The following LRFN5 variants were observed in gnomAD, a reference collection of about 807,000 sequenced individuals.
The protein encoded by LRFN5 is leucine-rich repeat and fibronectin type-III domain-containing protein 5.
A neutral mutation model predicts 45.6 loss-of-function variants in LRFN5; 24 were observed. The ratio of observed to expected loss-of-function variants is 0.53; its 90% CI spans 0.38 to 0.74. The LOEUF (loss-of-function observed/expected upper bound fraction) is 0.74. Among genes scored for constraint, LRFN5 ranks in the 30% least tolerant of loss-of-function variants. The pLI, the probability that LRFN5 is intolerant of heterozygous loss-of-function variation, is 0.00. For synonymous variants in LRFN5, 340 were observed against 313.8 expected (o/e 1.08, Z -0.88); for missense variants, 776 against 861.5 (o/e 0.90, Z 1.24).
chr14:41,762,472 G>T (rs750850990), intron 1 of LRFN5, among the ~76,000 whole-genome samples: 3 of 152,040 alleles, frequency 2.0e-5, no homozygotes, highest in Non-Finnish European at 2.9e-5. Flanking sequence ...AATAACAAAT[G>T]CATTTTCATA....
chr14:41,875,284 A>AT (rs1160549089), intron 2 of LRFN5, among the ~76,000 whole-genome samples: 3 of 152,248 alleles, frequency 2.0e-5, no homozygotes, highest in African/African-American at 7.2e-5. Context: ...TTAGGGAACC[A>AT]TTGCCACCTG....
chr14:41,752,450 T>C (rs1036099930), intron 1 of LRFN5, among the ~76,000 whole-genome samples: 4 of 152,152 alleles, frequency 2.6e-5, no homozygotes, highest in Admixed American at 2.0e-4. Context: ...TTTTAATGAT[T>C]GCCATTCTAA....
At chr14:41,741,127 A>T (rs999384943) in intron 1 of LRFN5, among the ~76,000 whole-genome samples, 2 of 151,694 alleles carry the variant, frequency 1.3e-5, no homozygotes, top group Admixed American at 1.3e-4. Context: ...TTACTATTTT[A>T]AAAACATACA....
chr14:41,753,608 A>C (rs1345537354), intron 1 of LRFN5, among the ~76,000 whole-genome samples: 1 of 152,132 alleles, frequency 6.6e-6, no homozygotes, highest in South Asian at 2.1e-4. Context: ...ATTTTTGCAC[A>C]TTGATTTTGT....
chr14:41,730,161 A>G (rs551021730), intron 1 of LRFN5, among the ~76,000 whole-genome samples: 43 of 152,240 alleles, frequency 2.8e-4, no homozygotes, highest in African/African-American at 9.9e-4. Context: ...TTATCTCATT[A>G]CAGATGCAAA....
intron 2 of LRFN5, among the ~76,000 whole-genome samples, chr14:41,781,652 A>G (rs1594703672): frequency 2.0e-5 from 3 of 146,642 alleles, no homozygotes; most frequent in African/African-American, 5.3e-5. Context: ...AGAAAGAGAA[A>G]GAAAGAAAGA....
At chr14:41,685,774 T>C (rs1348299183) in intron 1 of LRFN5, among the ~76,000 whole-genome samples, 1 of 152,150 alleles carries the variant, frequency 6.6e-6, no homozygotes, top group Non-Finnish European at 1.5e-5. Flanking sequence ...CAGATGGTTG[T>C]AGATGTGTGG....
intron 2 of LRFN5, among the ~76,000 whole-genome samples, chr14:41,869,245 A>G (rs1283084135): frequency 2.0e-5 from 3 of 152,116 alleles, no homozygotes; most frequent in Admixed American, 2.0e-4. Context: ...CTGAAAGGAA[A>G]ACACTTTTTG....
intron 5 of LRFN5, 115 bp downstream of exon 5, chr14:41,899,075 T>A: frequency 2.6e-6 from 2 of 778,088 alleles, no homozygotes; most frequent in Non-Finnish European, 4.0e-6. Context: ...AATTTTCTTT[T>A]AAAATTTACT....
chr14:41,666,258 T>C (rs1411113009), intron 1 of LRFN5, among the ~76,000 whole-genome samples: 3 of 152,180 alleles, frequency 2.0e-5, no homozygotes, highest in African/African-American at 7.2e-5. Flanking sequence ...TGAAGAGCAC[T>C]TGTGGTTACA....
chr14:41,608,345 C>G lies in LRFN5; in HGVS notation c.-414C>G, dbSNP rs1313065057. 6.5e-6 allele frequency: 1 copy of G among 152,918 alleles called. No individual in the cohort carries two copies. Among genetic ancestry groups the G allele is most frequent in the African/African-American group, 2.4e-5 (1 of 41,468 alleles). 9.5% of individuals were successfully genotyped at this position (152,918 alleles called of 1,614,324 possible). On this transcript the variant is annotated 5_prime_UTR_variant, in exon 1 of 6. Transcript: ENST00000298119. Reference sequence around the variant, plus strand: ...CGCGGGTTTCATGGGGCGATTGCAGCGATTCCCCCACCCAGAGCGACCTGC... The same window carrying G: ...CGCGGGTTTCATGGGGCGATTGCAGGGATTCCCCCACCCAGAGCGACCTGC...
chr14:41,745,519 T>A (rs1040152033), intron 1 of LRFN5, among the ~76,000 whole-genome samples: 1 of 151,740 alleles, frequency 6.6e-6, no homozygotes, highest in South Asian at 2.1e-4. Context: ...CAGAGGGAAA[T>A]AAATAGTAAA....
rs569216156 is a variant in LRFN5, at chr14:41,759,448, TACACAC to T, written c.-196-7360_-196-7355del. On this transcript the variant is annotated intron_variant, in intron 1 of 5. Coordinates refer to ENST00000298119, the MANE Select transcript of LRFN5 (RefSeq NM_152447.5). The stretch of plus-strand genomic sequence containing the variant: ...CATTATAAAGTATATTCTCTCTCTC[TACACAC>T]ACACACACACACACACACACACACA... Among the ~76,000 whole-genome samples the T allele has an allele frequency of 6.7e-3, 738 of 109,682 alleles. 5 individuals carry two copies. Among genetic ancestry groups the T allele is most frequent in the South Asian group, 0.039 (115 of 2,970 alleles). The allele number at this position is 109,682 out of a possible 152,430, so 72.0% of individuals were successfully genotyped here.
intron 1 of LRFN5, among the ~76,000 whole-genome samples, chr14:41,620,351 G>A (rs985658734): frequency 1.3e-5 from 2 of 152,040 alleles, no homozygotes; most frequent in Non-Finnish European, 2.9e-5. Flanking sequence ...GGGTTTTGAA[G>A]TAACTTAATT....
chr14:41,787,420 T>C (rs1037472210), intron 2 of LRFN5, among the ~76,000 whole-genome samples: 2 of 152,112 alleles, frequency 1.3e-5, no homozygotes, highest in South Asian at 2.1e-4. Flanking sequence ...GAAGCAGTTT[T>C]AGGGATAATC....
chr14:41,727,039 A>G (rs1418122747), intron 1 of LRFN5, among the ~76,000 whole-genome samples: 1 of 152,202 alleles, frequency 6.6e-6, no homozygotes, highest in African/African-American at 2.4e-5. Context: ...CTTGTGCACT[A>G]TGCAATTTAG....
intron 2 of LRFN5, among the ~76,000 whole-genome samples, chr14:41,828,722 C>A (rs1176655134): frequency 6.6e-6 from 1 of 151,964 alleles, no homozygotes; most frequent in African/African-American, 2.4e-5. Context: ...CTATTGTCAA[C>A]ACTGTGATAG....
chr14:41,660,302 A>T (rs1490391038), intron 1 of LRFN5, among the ~76,000 whole-genome samples: 1 of 152,134 alleles, frequency 6.6e-6, no homozygotes, highest in Non-Finnish European at 1.5e-5. Flanking sequence ...CTGGGATTAC[A>T]GGTGTGAGCC....
intron 1 of LRFN5, among the ~76,000 whole-genome samples, chr14:41,693,253 T>C (rs1882459782): frequency 6.6e-6 from 1 of 152,102 alleles, no homozygotes; most frequent in African/African-American, 2.4e-5. Context: ...TTATGAAAAA[T>C]CAGTGTGGCA....
Sources: allele counts gnomAD v4.1 joint callset (sites outside exome capture counted in the v4.1 genomes callset), GRCh38; gene constraint gnomAD v4.1.1; transcripts MANE v1.5; gene names NCBI Gene and HGNC (gene_info 2026-07-23, HGNC 2026-07-21).